ABCC2: variants seen among roughly 807,000 people sequenced by gnomAD.
ABCC2 encodes ATP binding cassette subfamily C member 2.
Under a neutral mutation model 173.4 loss-of-function variants are expected in ABCC2, and 157 were observed. That is an observed-to-expected ratio of 0.91 (90% CI 0.80 to 1.03). ABCC2 has a LOEUF of 1.03. ABCC2 is among the 50% of genes least tolerant of loss of function. The pLI is 0.00. For synonymous variants in ABCC2, 657 were observed against 693.5 expected (o/e 0.95, Z 0.83); for missense variants, 1,822 against 1,852.3 (o/e 0.98, Z 0.30).
At chr10:99,812,734 G>C (rs1423197986) in intron 15 of ABCC2, among the ~76,000 whole-genome samples, 1 of 152,184 alleles carries the variant, frequency 6.6e-6, no homozygotes, top group Non-Finnish European at 1.5e-5. Flanking sequence ...TTAGTTCTAG[G>C]AGAATTTTAT....
At chr10:99,799,166 G>T in intron 7 of ABCC2, 41 bp from the exon 8 acceptor site, 1 of 1,612,436 alleles carries the variant, frequency 6.2e-7, no homozygotes. Flanking sequence ...GCCAGTAACA[G>T]ACATAACTCT....
Position 99,851,880 on chromosome 10 carries a change from T to C in ABCC2, c.*249T>C, listed in dbSNP as rs924599524. 39 of 391,652 alleles carry C rather than the reference T, an allele frequency of 1.0e-4. No individual in the cohort carries two copies. The highest frequency in any genetic ancestry group is 6.8e-4 in the African/African-American group (33 of 48,750). The allele number at this position is 391,652 out of a possible 1,614,324, so 24.3% of individuals were successfully genotyped here. A position where few individuals can be genotyped will look rare whatever the true frequency, so the allele number is the denominator to read the frequency against. On this transcript the variant is annotated 3_prime_UTR_variant, in exon 32 of 32. Transcript: ENST00000647814. ...CCCCTCCCAGGGACAACCACTGTCC[T>C]GAATTTCACGATAATTATTCCTTTG... is the stretch of plus-strand genomic sequence containing the variant.
chr10:99,811,907 C>T (rs35509621), intron 15 of ABCC2, among the ~76,000 whole-genome samples: 3,342 of 152,124 alleles, frequency 0.022, 138 homozygotes, highest in African/African-American at 0.075. Context: ...GGCAGGTGGC[C>T]GGCGTCTCTG....
At chr10:99,836,785 T>C (rs529776845) in intron 25 of ABCC2, among the ~76,000 whole-genome samples, 12 of 152,306 alleles carry the variant, frequency 7.9e-5, no homozygotes, top group South Asian at 4.1e-4. Context: ...AGACCATTGA[T>C]GACAGAAAGG....
At position 99,850,827 on chromosome 10, in the gene ABCC2, A is replaced by C. The variant is rs151266782; in HGVS notation, c.4508+31A>C. On this transcript the variant is annotated intron_variant, in intron 31 of 31. Coordinates refer to ENST00000647814, the MANE Select transcript of ABCC2 (RefSeq NM_000392.5). ...TGTAGGGGGACAGGGCTTGACACGG[A>C]TGGCTTAACCCTTGCTCAACAGTAA... 8 of 1,612,896 alleles carry C rather than the reference A, an allele frequency of 5.0e-6. No individual in the cohort carries two copies. The East Asian group carries it at 1.8e-4, about 36-fold the overall frequency.
At chr10:99,812,220 C>T (rs191813663) in intron 15 of ABCC2, among the ~76,000 whole-genome samples, 3 of 152,302 alleles carry the variant, frequency 2.0e-5, no homozygotes, top group African/African-American at 7.2e-5. Context: ...ACATGGACTC[C>T]AGAGCTAGCC....
chr10:99,851,391 G>T (rs2039086270), intron 31 of ABCC2, 111 bp from the exon 32 acceptor site: 3 of 1,292,400 alleles, frequency 2.3e-6, no homozygotes, highest in Admixed American at 1.7e-5. Context: ...GATTTTCACT[G>T]CTTTGTAGCC....
chr10:99,838,421 G>T (rs2038865974), intron 25 of ABCC2, among the ~76,000 whole-genome samples: 4 of 125,880 alleles, frequency 3.2e-5, no homozygotes, highest in Non-Finnish European at 5.3e-5. Flanking sequence ...GGCTGGCCGG[G>T]CGGGGGGCCG....
chr10:99,817,302 A>G lies in ABCC2; in HGVS notation c.2095-6A>G, dbSNP rs202210861. On this transcript the variant is annotated splice_polypyrimidine_tract_variant and splice_region_variant and intron_variant, in intron 16 of 31. Coordinates refer to ENST00000647814, the MANE Select transcript of ABCC2 (RefSeq NM_000392.5). Reference sequence around the variant, plus strand: ...CTGTAACATGATCTGATCCTTTTTCATCTAGGGCACCACTGCCTATGTCCC... The same window carrying G: ...CTGTAACATGATCTGATCCTTTTTCGTCTAGGGCACCACTGCCTATGTCCC... 1,893 of 1,614,034 alleles carry G rather than the reference A, an allele frequency of 1.2e-3. 37 individuals are homozygous for G. The highest frequency in any genetic ancestry group is 0.012 in the South Asian group (1,056 of 91,076).
intron 16 of ABCC2, among the ~76,000 whole-genome samples, chr10:99,814,213 GTGTATATATACACACA>G (rs2038289689): frequency 1.8e-5 from 1 of 54,628 alleles, no homozygotes; most frequent in South Asian, 4.8e-4. Flanking sequence ...ATACACACAT[GTGTATATATACACACA>G]TGTGTATATA....
rs762346634 is a variant in ABCC2, at chr10:99,847,051, G to GCT, written c.4239_4240dup (p.His1414LeufsTer18). 5.6e-6 allele frequency: 9 copies of GCT among 1,614,182 alleles called. No individual in the cohort carries two copies. The East Asian group carries it at 2.0e-4, about 36-fold the overall frequency. ...GGAGATTTGGAAGGCCTTGGAGCTGGCTCACCTCAAGTCTTTTGTGGCCAG... is the reference window on the plus strand; with the variant it reads ...GGAGATTTGGAAGGCCTTGGAGCTGGCTCTCACCTCAAGTCTTTTGTGGCCAG... On this transcript the variant is annotated frameshift_variant, in exon 30 of 32. Coordinates refer to ENST00000647814, the MANE Select transcript of ABCC2 (RefSeq NM_000392.5). LOFTEE classifies it high-confidence loss of function.
chr10:99,841,992 G>A lies in ABCC2; in HGVS notation c.3640G>A (p.Val1214Ile). The change falls in exon 26 of 32, where the codon GTT becomes ATT. Residue 1214 changes from valine (V) to isoleucine (I), a missense_variant. Val to Ile is a conservative substitution (Grantham distance 29). Coordinates refer to ENST00000647814, the MANE Select transcript of ABCC2 (RefSeq NM_000392.5). ...GTGGCTTGCAATTCGCCTGGAGCTG[G>A]TTGGGAACCTGACTGTCTTCTTTTC... ...NRWLAIRLEL[V>I]GNLTVFFSAL... 6.2e-7 allele frequency: 1 copy of A among 1,614,206 alleles called. No homozygotes were observed. Among genetic ancestry groups the A allele is most frequent in the East Asian group, 2.2e-5 (1 of 44,880 alleles).
rs1289129554 is a variant in ABCC2 at position 99,804,233 on chromosome 10, C to T, written c.1424C>T (p.Pro475Leu). 6.2e-7 allele frequency: 1 copy of T among 1,614,082 alleles called. No individual in the cohort carries two copies. The highest frequency in any genetic ancestry group is 1.3e-5 in the African/African-American group (1 of 74,998). ...GTTGGGGTGATGGTGCTTGTAATCCCAATTAATGCGATACTGTCCACCAAG... is the reference window on the plus strand; with the variant it reads ...GTTGGGGTGATGGTGCTTGTAATCCTAATTAATGCGATACTGTCCACCAAG... ...AGVGVMVLVI[P>L]INAILSTKSK... is the part of the protein sequence containing the mutation. The change falls in exon 10 of 32, where the codon CCA (proline) becomes CTA (leucine). Residue 475 changes from proline (P) to leucine (L), a missense_variant. Transcript: ENST00000647814.
In ABCC2 at chr10:99,834,402, C is replaced by A. The variant is rs1435577224; in HGVS notation, c.3281C>A (p.Thr1094Asn). 6 of 1,614,026 alleles carry A rather than the reference C, an allele frequency of 3.7e-6. No homozygotes were observed. Among genetic ancestry groups the A allele is most frequent in the East Asian group, 2.2e-5 (1 of 44,890 alleles). ...TAGGATATTTCCACAGTGGATGACA[C>A]CCTGCCTCAGTCCTTGCGCAGCTGG... ...FAGDISTVDDTLPQSLRSWIT... is the reference protein window; with the variant it reads ...FAGDISTVDDNLPQSLRSWIT... Residue 1094 changes from threonine to asparagine, a missense_variant, in exon 24 of 32, where the codon ACC (threonine) becomes AAC (asparagine). Transcript: ENST00000647814.
rs2039059022 is a variant in ABCC2, at chr10:99,849,331, AC to A, written c.4314-1269del. 3.3e-5 allele frequency among the ~76,000 whole-genome samples: 5 copies of A among 152,326 alleles called. No individual in the cohort carries two copies. In the South Asian group the frequency reaches 1.0e-3, roughly 32 times the overall value. On this transcript the variant is annotated intron_variant, in intron 30 of 31. Transcript: ENST00000647814. Reference sequence around the variant, plus strand: ...AGCATTTACAGCATAATGAAGACAGACCTCTGTCAGTAAATGCCAGTACAGT... The same window carrying A: ...AGCATTTACAGCATAATGAAGACAGACTCTGTCAGTAAATGCCAGTACAGT...
intron 19 of ABCC2, 103 bp downstream of exon 19, chr10:99,819,372 G>C: frequency 9.0e-7 from 1 of 1,108,190 alleles, no homozygotes; most frequent in Non-Finnish European, 1.3e-6. Flanking sequence ...ACTAGATTTG[G>C]AAGCAAACTA....
intron 2 of ABCC2, 36 bp from the exon 3 acceptor site, chr10:99,792,198 G>A: frequency 6.2e-7 from 1 of 1,612,960 alleles, no homozygotes; most frequent in Non-Finnish European, 8.5e-7. Context: ...TATAAAGAAT[G>A]ATATCCTCTT....
chr10:99,831,905 G>C (rs2038747102), intron 22 of ABCC2, 72 bp from the exon 23 acceptor site: 1 of 1,613,200 alleles, frequency 6.2e-7, no homozygotes, highest in Admixed American at 1.7e-5. Context: ...GAATGCATTT[G>C]CCATTATGTC....
intron 2 of ABCC2, among the ~76,000 whole-genome samples, chr10:99,787,063 G>C (rs2037724377): frequency 6.6e-6 from 1 of 151,246 alleles, no homozygotes; most frequent in South Asian, 2.1e-4. Context: ...AGCTACTCAG[G>C]TGGCTGAGGC....
Sources: allele counts gnomAD v4.1 joint callset (sites outside exome capture counted in the v4.1 genomes callset), GRCh38; gene constraint gnomAD v4.1.1; transcripts MANE v1.5; gene names NCBI Gene and HGNC (gene_info 2026-07-23, HGNC 2026-07-21).